CCDC158: variants seen among roughly 807,000 people sequenced by gnomAD.
CCDC158 encodes the protein coiled-coil domain containing 158.
CCDC158 carries 116 observed loss-of-function variants against 138.6 expected under a neutral mutation model. The observed-to-expected ratio is 0.84, with a 90% CI of 0.72 to 0.98. The LOEUF is 0.98. Ranked by LOEUF, CCDC158 falls within the 50% of genes least tolerant of loss-of-function variation. The pLI is 0.00. For synonymous variants in CCDC158, 436 were observed against 442.4 expected (o/e 0.99, Z 0.18); for missense variants, 1,265 against 1,306.1 (o/e 0.97, Z 0.48).
At chr4:76,368,529 T>C (rs1259173774) in intron 11 of CCDC158, among the ~76,000 whole-genome samples, 1 of 152,180 alleles carries the variant, frequency 6.6e-6, no homozygotes, top group East Asian at 1.9e-4. Flanking sequence ...CTTACACTTT[T>C]GTGGGATGCT....
In CCDC158 at chr4:76,378,736, T is replaced by G. The variant is rs186945586; in HGVS notation, c.1029+554A>C. Among the ~76,000 whole-genome samples the G allele has an allele frequency of 2.6e-5, 4 of 152,294 alleles. No homozygotes were observed. In the East Asian group the frequency reaches 7.7e-4, roughly 29 times the overall value. The stretch of plus-strand genomic sequence containing the variant: ...ATAAACAGATGACAATGATACTGAA[T>G]AGCTTCTCTTTAGCTATGGAAAGTG... On this transcript the variant is annotated intron_variant, in intron 9 of 24. Coordinates refer to ENST00000682701, the MANE Select transcript of CCDC158 (RefSeq NM_001394954.1).
intron 21 of CCDC158, among the ~76,000 whole-genome samples, chr4:76,330,636 G>C (rs554564222): frequency 6.6e-6 from 1 of 152,024 alleles, no homozygotes; most frequent in East Asian, 1.9e-4. Context: ...ACATGTACAG[G>C]CCTTTTTTCT....
intron 4 of CCDC158, among the ~76,000 whole-genome samples, chr4:76,391,119 T>C (rs548674716): frequency 1.8e-4 from 27 of 152,130 alleles, no homozygotes; most frequent in Non-Finnish European, 3.2e-4. Flanking sequence ...ATCTGTACTA[T>C]AGACCAAATG....
chr4:76,417,515 G>C (rs1729790027), intron 1 of CCDC158, among the ~76,000 whole-genome samples: 1 of 152,108 alleles, frequency 6.6e-6, no homozygotes, highest in Admixed American at 6.5e-5. Flanking sequence ...ATCTCAACTT[G>C]AACTGTATAT....
chr4:76,408,799 A>G (rs1560484507), intron 2 of CCDC158, among the ~76,000 whole-genome samples: 1 of 152,192 alleles, frequency 6.6e-6, no homozygotes, highest in Non-Finnish European at 1.5e-5. Flanking sequence ...TTACAGTCCC[A>G]CCAACAGTGT....
chr4:76,400,306 A>G (rs1560474994), intron 3 of CCDC158, among the ~76,000 whole-genome samples: 1 of 151,402 alleles, frequency 6.6e-6, no homozygotes, highest in Non-Finnish European at 1.5e-5. Flanking sequence ...TCGCAAGGAC[A>G]GAAAACCAAA....
rs571270185 is a variant in CCDC158, at chr4:76,410,659, A to T, written c.-74+1431T>A. Among the ~76,000 whole-genome samples, 303 of 152,344 alleles carry T rather than the reference A, an allele frequency of 2.0e-3. 3 individuals are homozygous for T. The highest frequency in any genetic ancestry group is 3.4e-3 in the Middle Eastern group (1 of 294). ...ATTCTTCTAGAACCAGTCTGCAGGT[A>T]TGTTTTCCTTGGGAAATTCTGAGGT... On this transcript the variant is annotated intron_variant, in intron 2 of 24. Transcript: ENST00000682701.
chr4:76,362,026 G>T, intron 13 of CCDC158, 100 bp downstream of exon 13: 1 of 843,358 alleles, frequency 1.2e-6, no homozygotes, highest in Non-Finnish European at 1.8e-6. Context: ...TGTTTGTCAT[G>T]TGAGTGAGAC....
rs569090310 is a variant in CCDC158 at position 76,416,648 on chromosome 4, G to A, written c.-117+4317C>T. 1.7e-3 allele frequency among the ~76,000 whole-genome samples: 254 copies of A among 152,328 alleles called. 1 individual carries two copies. Among genetic ancestry groups the A allele is most frequent in the African/African-American group, 5.9e-3 (246 of 41,576 alleles). On this transcript the variant is annotated intron_variant, in intron 1 of 24. Coordinates refer to ENST00000682701, the MANE Select transcript of CCDC158 (RefSeq NM_001394954.1). ...CCAGCTGCTCCAGTCATGGCTGAAA[G>A]GGGCCAATGTGCAGCTCAGGCTGTG...
rs572650455 is a variant in CCDC158 at position 76,396,441 on chromosome 4, A to G, written c.116T>C (p.Ile39Thr). Residue 39 changes from isoleucine to threonine, a missense_variant, in exon 4 of 25, where the codon ATT becomes ACT. Transcript: ENST00000682701. ...AGTCCCAGCTGAAGATGTGTTTTCAATTATTGTACCACGAATAGATGACAC... is the reference window on the plus strand; with the variant it reads ...AGTCCCAGCTGAAGATGTGTTTTCAGTTATTGTACCACGAATAGATGACAC... ...FFVSSIRGTI[I>T]ENTSSAGTLT... The G allele has an allele frequency of 5.0e-6, 8 of 1,613,962 alleles. No individual in the cohort carries two copies. The African/African-American group carries it at 8.0e-5, about 16-fold the overall frequency.
intron 12 of CCDC158, among the ~76,000 whole-genome samples, chr4:76,363,305 G>A (rs1158466496): frequency 6.6e-6 from 1 of 152,208 alleles, no homozygotes; most frequent in Non-Finnish European, 1.5e-5. Context: ...TAGGAAGTAA[G>A]CATGTCCTGC....
intron 21 of CCDC158, among the ~76,000 whole-genome samples, chr4:76,329,540 C>T (rs552622747): frequency 1.1e-4 from 16 of 152,222 alleles, no homozygotes; most frequent in African/African-American, 3.4e-4. Flanking sequence ...GCCGAGATCA[C>T]GCCATTGCAC....
At chr4:76,316,900 CAAAAAAAAAAAAA>C (rs77150446) in intron 24 of CCDC158, among the ~76,000 whole-genome samples, 1 of 62,646 alleles carries the variant, frequency 1.6e-5, no homozygotes, top group Admixed American at 2.3e-4. Context: ...CTTTTGCAGA[CAAAAAAAAAAAAA>C]AAAAAAAAAA....
chr4:76,349,076 C>G (rs563366637), intron 18 of CCDC158, among the ~76,000 whole-genome samples: 92 of 152,152 alleles, frequency 6.0e-4, no homozygotes, highest in Middle Eastern at 6.8e-3. Context: ...AAAAAACTAC[C>G]TCCAAAACAG....
chr4:76,400,067 G>C (rs548380071), intron 3 of CCDC158, among the ~76,000 whole-genome samples: 29 of 152,142 alleles, frequency 1.9e-4, no homozygotes, highest in Non-Finnish European at 3.2e-4. Context: ...GAGTGAGACA[G>C]AAGACAGGGG....
chr4:76,338,277 C>T (rs149213198), intron 18 of CCDC158, among the ~76,000 whole-genome samples: 561 of 152,160 alleles, frequency 3.7e-3, no homozygotes, highest in African/African-American at 0.012. Flanking sequence ...TTTAGGAGGC[C>T]GAGGTGGGCA....
chr4:76,354,458 T>G (rs1723347763), intron 15 of CCDC158, among the ~76,000 whole-genome samples: 1 of 152,200 alleles, frequency 6.6e-6, no homozygotes, highest in African/African-American at 2.4e-5. Flanking sequence ...TATTTTCTAC[T>G]TGTCATTTAC....
chr4:76,377,540 T>C (rs1301713022), intron 9 of CCDC158, among the ~76,000 whole-genome samples: 1 of 152,168 alleles, frequency 6.6e-6, no homozygotes, highest in African/African-American at 2.4e-5. Context: ...CCTGCTGTTG[T>C]CTGCAGGGTG....
In CCDC158 at chr4:76,353,127, T is replaced by C; in HGVS notation, c.2441A>G (p.Asp814Gly). 1.2e-6 allele frequency: 2 copies of C among 1,610,868 alleles called. No homozygotes were observed. The highest frequency in any genetic ancestry group is 1.7e-6 in the Non-Finnish European group (2 of 1,178,790). Residue 814 changes from aspartate (D) to glycine (G), a missense_variant, in exon 16 of 25, where the codon GAT becomes GGT. Transcript: ENST00000682701. ...ATATGTTTAGTTAATAATTACCTTA[T>C]CCAGAGCCACTTCCATATTAGTAAC... ...EKVTNMEVAL[D>G]KASLQFAECQ... is the part of the protein sequence containing the mutation.
Sources: gnomAD v4.1 joint callset for allele counts (sites outside exome capture counted in the v4.1 genomes callset) on GRCh38, gnomAD v4.1.1 for gene constraint, MANE v1.5 for transcripts, NCBI Gene and HGNC (gene_info 2026-07-23, HGNC 2026-07-21) for gene names.